The following SYK variants were observed in gnomAD, a reference collection of about 807,000 sequenced individuals.
SYK encodes the protein spleen associated tyrosine kinase, also known as tyrosine-protein kinase SYK.
SYK carries 16 observed loss-of-function variants against 77.8 expected under a neutral mutation model. The ratio of observed to expected loss-of-function variants is 0.21; its 90% CI spans 0.14 to 0.31. The LOEUF (loss-of-function observed/expected upper bound fraction) is 0.31. Among genes scored for constraint, SYK ranks in the 10% least tolerant of loss-of-function variants. SYK has a pLI of 1.00. For synonymous variants in SYK, 312 were observed against 308.7 expected, an observed-to-expected ratio of 1.01 and a Z score of -0.11; for missense variants, 529 against 814.4, an observed-to-expected ratio of 0.65 and a Z score of 4.26.
At chr9:90,832,520 G>A (rs1825931603) in intron 1 of SYK, among the ~76,000 whole-genome samples, 1 of 152,186 alleles carries the variant, frequency 6.6e-6, no homozygotes, top group South Asian at 2.1e-4. Context: ...GGGTGAGGCA[G>A]GCAGCTTCCA....
intron 4 of SYK, among the ~76,000 whole-genome samples, chr9:90,862,780 A>C (rs1056936905): frequency 6.6e-6 from 1 of 152,318 alleles, no homozygotes; most frequent in Non-Finnish European, 1.5e-5. Flanking sequence ...AGACAAAGAC[A>C]CACAAAATAA....
rs768968714 is a variant in SYK at position 90,877,792 on chromosome 9, T to C, written c.1391+12T>C. 6.2e-6 allele frequency: 10 copies of C among 1,613,778 alleles called. No homozygotes were observed. The South Asian group carries it at 1.1e-4, about 18-fold the overall frequency. ...TTGCAGCAGAACAGGTATTGTCAGGTGCCCCCACACATCTGGAAGCTATCC... is the reference window on the plus strand; with the variant it reads ...TTGCAGCAGAACAGGTATTGTCAGGCGCCCCCACACATCTGGAAGCTATCC... On this transcript the variant is annotated intron_variant, in intron 10 of 13. Coordinates refer to ENST00000375754, the MANE Select transcript of SYK (RefSeq NM_003177.7).
chr9:90,881,551 G>A (rs997477538), intron 11 of SYK, among the ~76,000 whole-genome samples: 3 of 152,076 alleles, frequency 2.0e-5, no homozygotes, highest in African/African-American at 7.2e-5. Flanking sequence ...ATGGTGGCAG[G>A]CACCTGTAAT....
At chr9:90,893,458 GAGAC>G (rs1206316829) in intron 13 of SYK, among the ~76,000 whole-genome samples, 1 of 152,110 alleles carries the variant, frequency 6.6e-6, no homozygotes, top group South Asian at 2.1e-4. Flanking sequence ...GTGATATATA[GAGAC>G]AGACAGAGAG....
At chr9:90,814,279 C>T (rs1334927014) in intron 1 of SYK, among the ~76,000 whole-genome samples, 1 of 152,218 alleles carries the variant, frequency 6.6e-6, no homozygotes, top group East Asian at 1.9e-4. Context: ...TTATAAGATG[C>T]AGCTCATCAT....
chr9:90,813,287 G>A (rs1350828016), intron 1 of SYK, among the ~76,000 whole-genome samples: 1 of 152,012 alleles, frequency 6.6e-6, no homozygotes, highest in Non-Finnish European at 1.5e-5. Context: ...GTCATTAGGG[G>A]ATGGGCCGCT....
chr9:90,888,008 G>A, intron 12 of SYK, 119 bp downstream of exon 12: 1 of 1,308,118 alleles, frequency 7.6e-7, no homozygotes, highest in Non-Finnish European at 1.0e-6. Flanking sequence ...TTACCAGTAA[G>A]CAGTTAATGT....
chr9:90,860,172 TC>T (rs769694701), intron 3 of SYK, among the ~76,000 whole-genome samples: 1 of 152,188 alleles, frequency 6.6e-6, no homozygotes, highest in African/African-American at 2.4e-5. Context: ...ATGTATTATC[TC>T]CATGACCTTG....
chr9:90,877,063 T>G (rs3789905), intron 9 of SYK, among the ~76,000 whole-genome samples: 28,189 of 152,104 alleles, frequency 0.19, 2,966 homozygotes, highest in Admixed American at 0.3. Context: ...TATTTTATAT[T>G]ATTTTTTAGA....
chr9:90,809,433 CT>C (rs1282887632), intron 1 of SYK, among the ~76,000 whole-genome samples: 167 of 152,346 alleles, frequency 1.1e-3, no homozygotes, highest in Admixed American at 2.4e-3. Flanking sequence ...AAAAGAGGAT[CT>C]GCTGTCCTGC....
At chr9:90,886,692 G>A (rs1452499150) in intron 11 of SYK, among the ~76,000 whole-genome samples, 1 of 152,028 alleles carries the variant, frequency 6.6e-6, no homozygotes, top group Non-Finnish European at 1.5e-5. Context: ...GGGCGATAGA[G>A]TGAGACTCCA....
At chr9:90,811,409 A>C (rs557231864) in intron 1 of SYK, among the ~76,000 whole-genome samples, 1 of 152,240 alleles carries the variant, frequency 6.6e-6, no homozygotes, top group Non-Finnish European at 1.5e-5. Context: ...AACCTATCAC[A>C]CATATAAATT....
At chr9:90,834,894 G>A (rs1426928778) in intron 1 of SYK, among the ~76,000 whole-genome samples, 3 of 152,222 alleles carry the variant, frequency 2.0e-5, no homozygotes, top group Admixed American at 6.5e-5. Flanking sequence ...GGGCACATCA[G>A]ATTTGTGTCC....
At chr9:90,846,717 A>AAAAG (rs1826610228) in intron 3 of SYK, among the ~76,000 whole-genome samples, 1 of 149,482 alleles carries the variant, frequency 6.7e-6, no homozygotes. Context: ...AAAAAAAAAA[A>AAAAG]GGAAGAAGGA....
chr9:90,864,934 G>C lies in SYK; in HGVS notation c.797-114G>C, dbSNP rs923358364. The C allele has an allele frequency of 1.7e-5, 18 of 1,052,348 alleles. No individual in the cohort carries two copies. The African/African-American group carries it at 2.5e-4, about 15-fold the overall frequency. 65.2% of individuals were successfully genotyped at this position (1,052,348 alleles called of 1,614,324 possible). ...CGAAAGAAGTACCTGCAGAAAGCGT[G>C]CTCACTTCTCAAGCAGCAGCACATC... On this transcript the variant is annotated intron_variant, in intron 5 of 13. Coordinates refer to ENST00000375754, the MANE Select transcript of SYK (RefSeq NM_003177.7).
chr9:90,871,782 G>T (rs185769343), intron 7 of SYK, among the ~76,000 whole-genome samples: 1 of 152,226 alleles, frequency 6.6e-6, no homozygotes, highest in Non-Finnish European at 1.5e-5. Context: ...GGGTAGGAGA[G>T]AGTTGATGTG....
chr9:90,862,305 C>A lies in SYK; in HGVS notation c.678C>A (p.Leu226=). Residue 226 remains leucine (L), a synonymous_variant, in exon 4 of 14, where the codon CTC becomes CTA. Transcript: ENST00000375754. ...YRIDKDKTGK[L]SIPEGKKFDT... is the part of the protein sequence containing the mutation. ...TCGACAAAGACAAGACAGGGAAGCT[C>A]TCCATCCCCGAGGGAAAGAAGTTCG... 6.2e-7 allele frequency: 1 copy of A among 1,614,166 alleles called. No homozygotes were observed. Among genetic ancestry groups the A allele is most frequent in the Non-Finnish European group, 8.5e-7 (1 of 1,179,996 alleles).
chr9:90,888,694 T>TA (rs1188100751), intron 13 of SYK, 67 bp downstream of exon 13: 110 of 1,209,900 alleles, frequency 9.1e-5, no homozygotes, highest in South Asian at 1.6e-4. Flanking sequence ...GTTGGGCGTC[T>TA]AAAAAAAAGG....
chr9:90,831,995 G>A (rs1363791115), intron 1 of SYK, among the ~76,000 whole-genome samples: 1 of 152,142 alleles, frequency 6.6e-6, no homozygotes. Context: ...GAGTTATTGT[G>A]CTGTTGACCA....
Sources: gnomAD v4.1 joint callset for allele counts (sites outside exome capture counted in the v4.1 genomes callset) on GRCh38, gnomAD v4.1.1 for gene constraint, MANE v1.5 for transcripts, NCBI Gene and HGNC (gene_info 2026-07-23, HGNC 2026-07-21) for gene names.